The following HIRA variants were observed in gnomAD, a reference collection of about 807,000 sequenced individuals.
HIRA encodes the protein protein HIRA.
A neutral mutation model predicts 126.6 loss-of-function variants in HIRA; 13 were observed. That is an observed-to-expected ratio of 0.10 (90% CI 0.07 to 0.16). The LOEUF (loss-of-function observed/expected upper bound fraction) is 0.16, where lower values mean the gene tolerates loss of function less well. Ranked by LOEUF, HIRA falls within the 10% of genes least tolerant of loss-of-function variation. The probability of loss-of-function intolerance (pLI) is 1.00; values close to 1 mark genes in which losing one functional copy is unlikely to be tolerated. For missense variants in HIRA, 834 were observed against 1,314.4 expected (o/e 0.63, Z 5.65); for synonymous variants, 511 against 520.0 (o/e 0.98, Z 0.24).
chr22:19,422,171 T>TATACACACACACAC (rs1556028840), intron 1 of HIRA, among the ~76,000 whole-genome samples: 1 of 143,134 alleles, frequency 7.0e-6, no homozygotes, highest in East Asian at 2.0e-4. Context: ...TGTTTATATA[T>TATACACACACACAC]ACACACACAC....
At chr22:19,376,515 A>AG (rs2089020470) in intron 14 of HIRA, among the ~76,000 whole-genome samples, 1 of 152,184 alleles carries the variant, frequency 6.6e-6, no homozygotes, top group South Asian at 2.1e-4. Flanking sequence ...CACCCTGGAC[A>AG]GCCCCATTCT....
intron 24 of HIRA, among the ~76,000 whole-genome samples, chr22:19,339,051 G>A (rs1273039279): frequency 6.6e-6 from 1 of 152,118 alleles, no homozygotes; most frequent in Non-Finnish European, 1.5e-5. Flanking sequence ...CATATGATAG[G>A]CCACAAAACA....
Position 19,378,101 on chromosome 22 carries a change from A to C in HIRA, c.1416-35T>G, listed in dbSNP as rs376299705. 1.7e-5 allele frequency: 25 copies of C among 1,480,918 alleles called. No individual in the cohort carries two copies. In the South Asian group the frequency reaches 3.1e-4, roughly 19 times the overall value. The allele number at this position is 1,480,918 out of a possible 1,614,324, so 91.7% of individuals were successfully genotyped here. A position where few individuals can be genotyped will look rare whatever the true frequency, so the allele number is the denominator to read the frequency against. On this transcript the variant is annotated intron_variant, in intron 13 of 24. Coordinates refer to ENST00000263208, the MANE Select transcript of HIRA (RefSeq NM_003325.4). ...AGTAAGAACAAAAGTCAGCCTTGAA[A>C]GTCAGGTGCCACATCCAGTACTTTA...
intron 19 of HIRA, among the ~76,000 whole-genome samples, chr22:19,356,629 G>A (rs1214373964): frequency 2.0e-5 from 3 of 152,238 alleles, no homozygotes; most frequent in Non-Finnish European, 4.4e-5. Flanking sequence ...GACCCTGGCA[G>A]TGCAACTGGT....
At chr22:19,425,263 C>T (rs2089480047) in intron 1 of HIRA, among the ~76,000 whole-genome samples, 1 of 152,234 alleles carries the variant, frequency 6.6e-6, no homozygotes, top group South Asian at 2.1e-4. Context: ...ATCCCACTCA[C>T]TTCTAGGTGT....
chr22:19,429,506 C>T (rs116368143), intron 1 of HIRA, among the ~76,000 whole-genome samples: 14 of 152,204 alleles, frequency 9.2e-5, no homozygotes, highest in African/African-American at 2.9e-4. Context: ...TTTATATCTA[C>T]GCTCCCAACT....
intron 5 of HIRA, among the ~76,000 whole-genome samples, chr22:19,403,324 T>C (rs1446062765): frequency 1.3e-5 from 2 of 152,122 alleles, no homozygotes; most frequent in Non-Finnish European, 2.9e-5. Context: ...AATTACTATT[T>C]TCTGGCCGGT....
chr22:19,343,013 A>G (rs1003257440), intron 24 of HIRA, among the ~76,000 whole-genome samples: 3 of 152,220 alleles, frequency 2.0e-5, no homozygotes, highest in East Asian at 1.9e-4. Flanking sequence ...ACCAAACATT[A>G]TATGTTCTCA....
chr22:19,398,554 G>C (rs1569307088), intron 5 of HIRA, among the ~76,000 whole-genome samples: 4 of 152,214 alleles, frequency 2.6e-5, no homozygotes, highest in Non-Finnish European at 5.9e-5. Flanking sequence ...GCCCTCGTCT[G>C]GTTCATGGAC....
chr22:19,388,640 C>A, intron 9 of HIRA, 86 bp from the exon 10 acceptor site: 2 of 1,032,710 alleles, frequency 1.9e-6, no homozygotes, highest in South Asian at 1.3e-5. Context: ...AACCTAGAAG[C>A]CTGGGTCAAA....
intron 15 of HIRA, among the ~76,000 whole-genome samples, chr22:19,362,792 C>T (rs1158014479): frequency 6.6e-6 from 1 of 151,534 alleles, no homozygotes; most frequent in Non-Finnish European, 1.5e-5. Flanking sequence ...AACTCCTGAC[C>T]TCAGGTGACC....
chr22:19,379,026 T>C (rs2089044607), intron 13 of HIRA, among the ~76,000 whole-genome samples: 1 of 143,706 alleles, frequency 7.0e-6, no homozygotes, highest in African/African-American at 2.9e-5. Context: ...TTGACATTTT[T>C]TCTTTTTCTT....
chr22:19,338,183 C>T (rs1300619930), intron 24 of HIRA, among the ~76,000 whole-genome samples: 1 of 152,114 alleles, frequency 6.6e-6, no homozygotes, highest in African/African-American at 2.4e-5. Context: ...CTCAAACAAA[C>T]TAACTGCCAG....
chr22:19,401,990 G>A (rs1301911853), intron 5 of HIRA, among the ~76,000 whole-genome samples: 5 of 152,112 alleles, frequency 3.3e-5, no homozygotes, highest in African/African-American at 1.2e-4. Flanking sequence ...AGCTCCCAGG[G>A]GTTCACTGGG....
intron 5 of HIRA, among the ~76,000 whole-genome samples, chr22:19,403,128 A>G (rs1317775483): frequency 6.6e-6 from 1 of 151,992 alleles, no homozygotes; most frequent in Non-Finnish European, 1.5e-5. Context: ...AGAAAAAGAA[A>G]AAGAAATATC....
At chr22:19,348,259 T>C (rs13058028) in intron 24 of HIRA, among the ~76,000 whole-genome samples, 2,166 of 152,224 alleles carry the variant, frequency 0.014, 31 homozygotes, top group Non-Finnish European at 0.019. Flanking sequence ...CTACAATAAA[T>C]TTTTCAAATA....
intron 15 of HIRA, 44 bp downstream of exon 15, chr22:19,375,587 C>CT (rs2089010261): frequency 5.0e-6 from 8 of 1,605,780 alleles, no homozygotes; most frequent in Non-Finnish European, 6.8e-6. Flanking sequence ...TGACCCATGC[C>CT]TGCACCCTGC....
Position 19,367,014 on chromosome 22 carries a change from C to T in HIRA, c.1776-5083G>A, listed in dbSNP as rs538849297. 8.5e-5 allele frequency among the ~76,000 whole-genome samples: 13 copies of T among 152,278 alleles called. No homozygotes were observed. The South Asian group carries it at 2.1e-3, about 24-fold the overall frequency. On this transcript the variant is annotated intron_variant, in intron 15 of 24. Coordinates refer to ENST00000263208, the MANE Select transcript of HIRA (RefSeq NM_003325.4). ...CTGACCTCAGATGAACCACCCACCT[C>T]GGCCTCCCAAAGTGTTGGGATTACA...
intron 15 of HIRA, among the ~76,000 whole-genome samples, chr22:19,375,167 C>T (rs943973215): frequency 3.3e-5 from 5 of 152,286 alleles, no homozygotes; most frequent in South Asian, 2.1e-4. Context: ...AGCTCAGAAG[C>T]CAATCTGACT....
Sources: gnomAD v4.1 joint callset for allele counts (sites outside exome capture counted in the v4.1 genomes callset) on GRCh38, gnomAD v4.1.1 for gene constraint, MANE v1.5 for transcripts, NCBI Gene and HGNC (gene_info 2026-07-23, HGNC 2026-07-21) for gene names.